The following ANKS1B variants were observed in gnomAD, a reference collection of about 807,000 sequenced individuals.
ANKS1B encodes ankyrin repeat and sterile alpha motif domain containing 1B.
ANKS1B carries 36 observed loss-of-function variants against 148.3 expected under a neutral mutation model. The ratio of observed to expected loss-of-function variants is 0.24; its 90% CI spans 0.19 to 0.32. The LOEUF is 0.32. Ranked by LOEUF, ANKS1B falls within the 10% of genes least tolerant of loss-of-function variation. The probability of loss-of-function intolerance (pLI) is 1.00; values close to 1 mark genes in which losing one functional copy is unlikely to be tolerated. For missense variants in ANKS1B, 1,157 were observed against 1,542.6 expected (o/e 0.75, Z 4.19); for synonymous variants, 542 against 560.8 (o/e 0.97, Z 0.47).
chr12:99,726,308 A>C, intron 8 of ANKS1B, among the ~76,000 whole-genome samples: 1 of 152,224 alleles, frequency 6.6e-6, no homozygotes, highest in Non-Finnish European at 1.5e-5. Flanking sequence ...GGATATTACC[A>C]CTTATCCCAC....
chr12:99,046,429 A>T (rs2099962384), intron 17 of ANKS1B, among the ~76,000 whole-genome samples: 1 of 152,240 alleles, frequency 6.6e-6, no homozygotes, highest in African/African-American at 2.4e-5. Flanking sequence ...ATATTAAACC[A>T]GTAACTGTAA....
At chr12:98,754,178 C>T (rs2098172051) in intron 25 of ANKS1B, among the ~76,000 whole-genome samples, 1 of 152,224 alleles carries the variant, frequency 6.6e-6, no homozygotes, top group Non-Finnish European at 1.5e-5. Flanking sequence ...CTGCACCTTG[C>T]ACAGCAAGCT....
chr12:99,590,308 A>G (rs1374973895), intron 9 of ANKS1B, among the ~76,000 whole-genome samples: 1 of 149,234 alleles, frequency 6.7e-6, no homozygotes, highest in East Asian at 2.0e-4. Context: ...TTACCATCTA[A>G]CTTCTCTAAA....
rs942433933 is a variant in ANKS1B at position 99,142,358 on chromosome 12, T to C, written c.2526+11931A>G. Among the ~76,000 whole-genome samples the C allele has an allele frequency of 3.9e-5, 6 of 152,170 alleles. No homozygotes were observed. The East Asian group carries it at 1.2e-3, about 29-fold the overall frequency. Reference sequence around the variant, plus strand: ...ATTTCAGGATGATGACAGAGGCTGATGGTATTAAGGCCTGATTGTATTTTT... The same window carrying C: ...ATTTCAGGATGATGACAGAGGCTGACGGTATTAAGGCCTGATTGTATTTTT... On this transcript the variant is annotated intron_variant, in intron 15 of 26. Transcript: ENST00000683438.
intron 16 of ANKS1B, among the ~76,000 whole-genome samples, chr12:99,062,937 G>A (rs527634676): frequency 5.3e-5 from 8 of 152,260 alleles, no homozygotes; most frequent in East Asian, 1.9e-4. Flanking sequence ...AAAACAGTGC[G>A]AGTGTTTGGA....
intron 15 of ANKS1B, among the ~76,000 whole-genome samples, chr12:99,130,115 T>C (rs1485124442): frequency 1.3e-5 from 2 of 152,230 alleles, no homozygotes; most frequent in Non-Finnish European, 2.9e-5. Context: ...TTTATGATCT[T>C]TGCCATTTGC....
intron 8 of ANKS1B, among the ~76,000 whole-genome samples, chr12:99,672,007 A>G (rs2153470474): frequency 6.6e-6 from 1 of 152,248 alleles, no homozygotes; most frequent in African/African-American, 2.4e-5. Flanking sequence ...AAATTTTTTA[A>G]GTGGAAAAGA....
At chr12:98,761,184 C>T (rs887882309) in intron 25 of ANKS1B, among the ~76,000 whole-genome samples, 2 of 152,182 alleles carry the variant, frequency 1.3e-5, no homozygotes, top group African/African-American at 2.4e-5. Flanking sequence ...ACTGGGCTAT[C>T]CTACCTTCAT....
chr12:99,067,491 TG>T (rs986835219), intron 16 of ANKS1B, among the ~76,000 whole-genome samples: 6 of 152,302 alleles, frequency 3.9e-5, no homozygotes, highest in African/African-American at 1.4e-4. Flanking sequence ...TGGTAGGTCC[TG>T]GTGGCACTGT....
At chr12:99,918,962 T>TA (rs1281376255) in intron 1 of ANKS1B, among the ~76,000 whole-genome samples, 3 of 152,124 alleles carry the variant, frequency 2.0e-5, no homozygotes, top group Non-Finnish European at 4.4e-5. Flanking sequence ...AAGTTCAAGG[T>TA]AACAGTTGCC....
At chr12:99,224,410 T>C (rs2085563728) in intron 14 of ANKS1B, among the ~76,000 whole-genome samples, 1 of 152,150 alleles carries the variant, frequency 6.6e-6, no homozygotes, top group South Asian at 2.1e-4. Context: ...TGGTCCTTCA[T>C]GAATGGTATA....
At chr12:99,663,855 C>G (rs370049082) in intron 8 of ANKS1B, among the ~76,000 whole-genome samples, 1 of 152,076 alleles carries the variant, frequency 6.6e-6, no homozygotes, top group Admixed American at 6.5e-5. Context: ...TCCTCTGAAA[C>G]GCTTAGTTCC....
chr12:99,313,186 A>T (rs531141422), intron 12 of ANKS1B, among the ~76,000 whole-genome samples: 1 of 152,338 alleles, frequency 6.6e-6, no homozygotes, highest in Admixed American at 6.5e-5. Flanking sequence ...AAATGAATAG[A>T]TTCCTGGACA....
At chr12:98,778,483 G>A (rs1479557795) in intron 24 of ANKS1B, among the ~76,000 whole-genome samples, 1 of 152,194 alleles carries the variant, frequency 6.6e-6, no homozygotes, top group Non-Finnish European at 1.5e-5. Context: ...TCAAATCAAA[G>A]TGGCCCACTG....
intron 16 of ANKS1B, among the ~76,000 whole-genome samples, chr12:99,056,118 A>G (rs1291653731): frequency 6.6e-6 from 1 of 152,208 alleles, no homozygotes; most frequent in Non-Finnish European, 1.5e-5. Context: ...CCGCCCACTC[A>G]TTCAATAAAT....
intron 19 of ANKS1B, among the ~76,000 whole-genome samples, chr12:98,816,828 G>C (rs897765645): frequency 2.0e-5 from 3 of 152,094 alleles, no homozygotes; most frequent in African/African-American, 7.2e-5. Flanking sequence ...TCTCAGAACA[G>C]AGCAAGTAGA....
intron 12 of ANKS1B, among the ~76,000 whole-genome samples, chr12:99,328,208 T>C (rs73143023): frequency 0.098 from 14,958 of 151,972 alleles, 907 homozygotes; most frequent in Non-Finnish European, 0.14. Flanking sequence ...TGCCCCAGTT[T>C]ATTGCCTTGA....
At chr12:99,652,584 C>G (rs2098427306) in intron 9 of ANKS1B, among the ~76,000 whole-genome samples, 1 of 151,874 alleles carries the variant, frequency 6.6e-6, no homozygotes, top group African/African-American at 2.4e-5. Context: ...ATCTCAAGTA[C>G]ATTTATAGAT....
chr12:98,950,070 G>A (rs909060429), intron 17 of ANKS1B, among the ~76,000 whole-genome samples: 3 of 152,208 alleles, frequency 2.0e-5, no homozygotes, highest in Admixed American at 6.5e-5. Flanking sequence ...GGGTATGATG[G>A]TCATGCTGAA....
Sources: gnomAD v4.1 joint callset for allele counts (sites outside exome capture counted in the v4.1 genomes callset) on GRCh38, gnomAD v4.1.1 for gene constraint, MANE v1.5 for transcripts, NCBI Gene and HGNC (gene_info 2026-07-23, HGNC 2026-07-21) for gene names.